CNBP: variants seen among roughly 807,000 people sequenced by gnomAD.
CNBP encodes CCHC-type zinc finger nucleic acid binding protein.
In CNBP, 6 loss-of-function variants were observed where a neutral mutation model predicts 21.2. That is an observed-to-expected ratio of 0.28 (90% CI 0.16 to 0.56). The LOEUF is 0.56. Among genes scored for constraint, CNBP ranks in the 20% least tolerant of loss-of-function variants. The pLI is 0.93. For missense variants in CNBP, 112 were observed against 233.1 expected, an observed-to-expected ratio of 0.48 and a Z score of 3.38; for synonymous variants, 61 against 74.9, an observed-to-expected ratio of 0.81 and a Z score of 0.96.
Position 129,171,449 on chromosome 3 carries a change from C to T in CNBP, c.214G>A (p.Asp72Asn), listed in dbSNP as rs1299436310. Residue 72 changes from aspartate (D) to asparagine (N), a missense_variant, in exon 3 of 5, where the codon GAT (aspartate) becomes AAT (asparagine). Physicochemically the swap from Asp to Asn is conservative, Grantham distance 23 (BLOSUM62 1). Transcript: ENST00000422453. The part of the protein sequence containing the change: ...HLAKDCDLQE[D>N]ACYNCGRGGH... ...AAAGGAAGTGTTAAATACTTACCAT[C>T]CTCCTGAAGATCACAATCCTTGGCA... 6.2e-7 allele frequency: 1 copy of T among 1,613,552 alleles called. No individual in the cohort carries two copies.
rs1303779770 is a variant in CNBP at position 129,170,310 on chromosome 3, ACC to A, written c.*141_*142del. 2.9e-6 allele frequency: 2 copies of A among 701,206 alleles called. No individual in the cohort carries two copies. Among genetic ancestry groups the A allele is most frequent in the Admixed American group, 5.1e-5 (2 of 39,068 alleles). 43.4% of individuals were successfully genotyped at this position (701,206 alleles called of 1,614,324 possible). A position where few individuals can be genotyped will look rare whatever the true frequency, so the allele number is the denominator to read the frequency against. On this transcript the variant is annotated 3_prime_UTR_variant, in exon 5 of 5. Coordinates refer to ENST00000422453, the MANE Select transcript of CNBP (RefSeq NM_003418.5). ...AAATGCAGAAAGTCGGTTTTTTTCCACCCCTTTCCTCCTTTTACACGGCAAGT... is the reference window on the plus strand; with the variant it reads ...AAATGCAGAAAGTCGGTTTTTTTCCACCTTTCCTCCTTTTACACGGCAAGT...
chr3:129,180,854 A>G (rs1318593541), intron 1 of CNBP, among the ~76,000 whole-genome samples: 1 of 152,090 alleles, frequency 6.6e-6, no homozygotes, highest in African/African-American at 2.4e-5. Context: ...AAATCATTCC[A>G]ATTAGTCCAA....
At chr3:129,176,075 A>G (rs1576918810) in intron 1 of CNBP, among the ~76,000 whole-genome samples, 1 of 152,194 alleles carries the variant, frequency 6.6e-6, no homozygotes, top group Non-Finnish European at 1.5e-5. Flanking sequence ...TCCCCATCCT[A>G]GCACTCATCT....
rs1006580255 is a variant in CNBP, at chr3:129,170,260, C to A, written c.*193G>T. 18 of 591,516 alleles carry A rather than the reference C, an allele frequency of 3.0e-5. No individual in the cohort carries two copies. The highest frequency in any genetic ancestry group is 5.1e-5 in the Non-Finnish European group (17 of 330,814). The allele number at this position is 591,516 out of a possible 1,614,324, so 36.6% of individuals were successfully genotyped here. A position where few individuals can be genotyped will look rare whatever the true frequency, so the allele number is the denominator to read the frequency against. ...CATTATACATAACACCTCTACCAAA[C>A]TAAACATAAACTTTTTTTGTAGTTA... On this transcript the variant is annotated 3_prime_UTR_variant, in exon 5 of 5. Transcript: ENST00000422453.
At chr3:129,173,490 C>T (rs1014848755) in intron 1 of CNBP, among the ~76,000 whole-genome samples, 1 of 152,120 alleles carries the variant, frequency 6.6e-6, no homozygotes, top group African/African-American at 2.4e-5. Context: ...TTTATTCTCC[C>T]CTTTCCAAAT....
chr3:129,170,619 T>C (rs771836206), intron 4 of CNBP, 49 bp from the exon 5 acceptor site: 8 of 1,449,490 alleles, frequency 5.5e-6, no homozygotes, highest in African/African-American at 4.2e-5. Context: ...AAAAAAACTG[T>C]CTACCAAAGC....
intron 1 of CNBP, among the ~76,000 whole-genome samples, chr3:129,178,361 A>C (rs755581832): frequency 2.6e-5 from 4 of 152,080 alleles, no homozygotes; most frequent in African/African-American, 4.8e-5. Flanking sequence ...AAACAAATAT[A>C]GTAAACTACT....
chr3:129,180,681 T>G (rs998064686), intron 1 of CNBP, among the ~76,000 whole-genome samples: 1 of 151,926 alleles, frequency 6.6e-6, no homozygotes, highest in African/African-American at 2.4e-5. Context: ...GTTCTCCACA[T>G]AGCAGGCCAG....
At chr3:129,178,158 CAAAAAAAAAAA>C (rs368723690) in intron 1 of CNBP, among the ~76,000 whole-genome samples, 1 of 103,900 alleles carries the variant, frequency 9.6e-6, no homozygotes, top group Non-Finnish European at 1.8e-5. Context: ...GACTCTGTCT[CAAAAAAAAAAA>C]AAAAAAAAAA....
chr3:129,182,475 G>C (rs1383421689), intron 1 of CNBP, among the ~76,000 whole-genome samples: 1 of 152,022 alleles, frequency 6.6e-6, no homozygotes, highest in African/African-American at 2.4e-5. Context: ...TAACATGTGG[G>C]AACAAGCACA....
rs1489639610 is a variant in CNBP, at chr3:129,172,592, GCAGGCAGGCAGGCAGA to G, written c.-14-837_-14-822del. On this transcript the variant is annotated intron_variant, in intron 1 of 4. Coordinates refer to ENST00000422453, the MANE Select transcript of CNBP (RefSeq NM_003418.5). ...GTGAGACAGACAGGCAGGCAGGCAG[GCAGGCAGGCAGGCAGA>G]CAGGCAGACAGGCAGCCAGGCAGGC... Among the ~76,000 whole-genome samples the G allele has an allele frequency of 1.4e-3, 41 of 29,774 alleles. No individual in the cohort carries two copies. In the East Asian group the frequency reaches 0.015, roughly 11 times the overall value. 19.5% of individuals were successfully genotyped at this position (29,774 alleles called of 152,430 possible). A position where few individuals can be genotyped will look rare whatever the true frequency, so the allele number is the denominator to read the frequency against.
At chr3:129,179,303 G>T (rs914743856) in intron 1 of CNBP, among the ~76,000 whole-genome samples, 1 of 151,980 alleles carries the variant, frequency 6.6e-6, no homozygotes, top group Non-Finnish European at 1.5e-5. Context: ...GAAAAAAAAA[G>T]CAATGAAAGG....
chr3:129,182,156 G>A (rs1294468841), intron 1 of CNBP, among the ~76,000 whole-genome samples: 3 of 151,994 alleles, frequency 2.0e-5, no homozygotes, highest in Non-Finnish European at 2.9e-5. Context: ...ATTTAAATTC[G>A]AATGGAAATA....
intron 1 of CNBP, among the ~76,000 whole-genome samples, chr3:129,172,925 T>G (rs920568930): frequency 5.9e-5 from 9 of 152,174 alleles, no homozygotes; most frequent in African/African-American, 2.2e-4. Flanking sequence ...AGGAAAATAC[T>G]CTCTTAACCT....
At chr3:129,176,488 G>A (rs775713544) in intron 1 of CNBP, among the ~76,000 whole-genome samples, 4 of 152,122 alleles carry the variant, frequency 2.6e-5, no homozygotes, top group Admixed American at 6.6e-5. Context: ...TATCCTTTTA[G>A]TAGCCATTAT....
intron 1 of CNBP, among the ~76,000 whole-genome samples, chr3:129,173,065 C>T (rs1023919460): frequency 2.0e-5 from 3 of 152,102 alleles, no homozygotes; most frequent in African/African-American, 4.8e-5. Context: ...ACAGTAGGCC[C>T]TCTATATCCA....
chr3:129,169,298 A>C lies in CNBP; in HGVS notation c.*1155T>G, dbSNP rs1040093951. ...TGAGACTCCGTCTCCAAAACAAAAC[A>C]AAACCACCACCACCAAAAAACCTGT... On this transcript the variant is annotated 3_prime_UTR_variant, in exon 5 of 5. Transcript: ENST00000422453. Among the ~76,000 whole-genome samples the C allele has an allele frequency of 1.3e-5, 2 of 152,142 alleles. No homozygotes were observed. Among genetic ancestry groups the C allele is most frequent in the African/African-American group, 2.4e-5 (1 of 41,414 alleles).
At chr3:129,183,192 C>T (rs1369278817) in intron 1 of CNBP, among the ~76,000 whole-genome samples, 1 of 152,160 alleles carries the variant, frequency 6.6e-6, no homozygotes, top group Non-Finnish European at 1.5e-5. Flanking sequence ...TCGTGATCCG[C>T]CCGCCTGGGA....
Position 129,169,101 on chromosome 3 carries a change from C to CA in CNBP, c.*1351dup, listed in dbSNP as rs551895830. Reference sequence around the variant, plus strand: ...TGGGCAACAGAGCGACACTCTGTCTCAAAAAAAAATAAAAAAATAAAATAA... The same window carrying CA: ...TGGGCAACAGAGCGACACTCTGTCTCAAAAAAAAAATAAAAAAATAAAATAA... On this transcript the variant is annotated 3_prime_UTR_variant, in exon 5 of 5. Transcript: ENST00000422453. Among the ~76,000 whole-genome samples, 441 of 145,858 alleles carry CA rather than the reference C, an allele frequency of 3.0e-3. 2 individuals are homozygous for CA. Among genetic ancestry groups the CA allele is most frequent in the African/African-American group, 5.3e-3 (208 of 39,444 alleles).
Sources: allele counts gnomAD v4.1 joint callset (sites outside exome capture counted in the v4.1 genomes callset), GRCh38; gene constraint gnomAD v4.1.1; transcripts MANE v1.5; gene names NCBI Gene and HGNC (gene_info 2026-07-23, HGNC 2026-07-21).